Variants in BAG4 observed in about 807,000 individuals in gnomAD.
BAG4 encodes the protein BAG family molecular chaperone regulator 4.
BAG4 carries 28 observed loss-of-function variants against 52.1 expected under a neutral mutation model. The ratio of observed to expected loss-of-function variants is 0.54; its 90% CI spans 0.40 to 0.74. The LOEUF (loss-of-function observed/expected upper bound fraction) is 0.74. Among genes scored for constraint, BAG4 ranks in the 30% least tolerant of loss-of-function variants. BAG4 has a pLI of 0.00. For missense variants in BAG4, 525 were observed against 572.0 expected (o/e 0.92, Z 0.84); for synonymous variants, 208 against 217.0 (o/e 0.96, Z 0.37).
chr8:38,177,034 C>T lies in BAG4; in HGVS notation c.165C>T (p.Gly55=). 7 of 1,603,814 alleles carry T rather than the reference C, an allele frequency of 4.4e-6. No homozygotes were observed. The highest frequency in any genetic ancestry group is 1.7e-5 in the Admixed American group (1 of 58,408). ...QPPISWRVRG[G]GPAETTWLGE... ...CCATTTCCTGGCGGGTGCGCGGGGG[C>T]GGCCCGGCGGAGACCACCTGGCTGG... The change falls in exon 1 of 5, where the codon GGC becomes GGT. Residue 55 remains glycine (G), a synonymous_variant. Coordinates refer to ENST00000287322, the MANE Select transcript of BAG4 (RefSeq NM_004874.4).
intron 2 of BAG4, among the ~76,000 whole-genome samples, chr8:38,199,290 C>T (rs192495318): frequency 1.3e-5 from 2 of 152,194 alleles, no homozygotes; most frequent in Non-Finnish European, 2.9e-5. Context: ...TGTATGCAGT[C>T]CACTGCTGAC....
At chr8:38,199,601 A>G (rs543007301) in intron 2 of BAG4, among the ~76,000 whole-genome samples, 36 of 150,054 alleles carry the variant, frequency 2.4e-4, no homozygotes, top group Admixed American at 4.0e-4. Flanking sequence ...TTGGCTCACT[A>G]CAAGCTCCAC....
At chr8:38,195,302 T>G (rs1396184441) in intron 2 of BAG4, among the ~76,000 whole-genome samples, 3 of 151,982 alleles carry the variant, frequency 2.0e-5, no homozygotes, top group African/African-American at 7.3e-5. Context: ...GGGTGCACAT[T>G]ACTATGCCCA....
rs182358239 is a variant in BAG4 at position 38,194,959 on chromosome 8, A to C, written c.378+2164A>C. On this transcript the variant is annotated intron_variant, in intron 2 of 4. Transcript: ENST00000287322. ...AAGCTCTGCCTCCCGGGTTCACGCCATTCTGCTGCCTCAGCCTCCCGAGTA... is the reference window on the plus strand; with the variant it reads ...AAGCTCTGCCTCCCGGGTTCACGCCCTTCTGCTGCCTCAGCCTCCCGAGTA... 6.8e-3 allele frequency among the ~76,000 whole-genome samples: 967 copies of C among 141,296 alleles called. 9 individuals carry two copies. The highest frequency in any genetic ancestry group is 0.023 in the African/African-American group (871 of 37,570). 92.7% of individuals were successfully genotyped at this position (141,296 alleles called of 152,430 possible).
rs1272255830 is a variant in BAG4, at chr8:38,192,675, C to A, written c.271-13C>A. ...TGTTATTAAGAGTGAATTTATTTTT[C>A]TTTTTTTCTTAGGAGCAGCCACCAT... On this transcript the variant is annotated splice_polypyrimidine_tract_variant and intron_variant, in intron 1 of 4. Transcript: ENST00000287322. The A allele has an allele frequency of 1.3e-6, 2 of 1,577,552 alleles. No individual in the cohort carries two copies. The highest frequency in any genetic ancestry group is 2.7e-5 in the African/African-American group (2 of 73,224).
chr8:38,201,492 G>T (rs1028522245), intron 2 of BAG4, among the ~76,000 whole-genome samples: 19 of 151,824 alleles, frequency 1.3e-4, no homozygotes, highest in Admixed American at 2.0e-4. Context: ...TTGCAGAGAT[G>T]GGGTCTCATT....
chr8:38,181,291 A>G (rs548020424), intron 1 of BAG4, among the ~76,000 whole-genome samples: 70 of 142,424 alleles, frequency 4.9e-4, no homozygotes, highest in African/African-American at 1.8e-3. Flanking sequence ...CTGGAGCGCA[A>G]TGGCGCCATC....
At position 38,200,127 on chromosome 8, in the gene BAG4, C is replaced by G. The variant is rs188110073; in HGVS notation, c.378+7332C>G. 8.6e-5 allele frequency among the ~76,000 whole-genome samples: 13 copies of G among 151,954 alleles called. No individual in the cohort carries two copies. In the East Asian group the frequency reaches 2.3e-3, roughly 27 times the overall value. ...TTCAAGTGATTCTTGCCTCAGCCTC[C>G]CGAGTAGCTAGGATTACAGGCGGCT... On this transcript the variant is annotated intron_variant, in intron 2 of 4. Coordinates refer to ENST00000287322, the MANE Select transcript of BAG4 (RefSeq NM_004874.4).
rs143334197 is a variant in BAG4, at chr8:38,207,683, T to A, written c.550T>A (p.Ser184Thr). The A allele has an allele frequency of 5.6e-6, 9 of 1,614,012 alleles. No individual in the cohort carries two copies. The highest frequency in any genetic ancestry group is 7.6e-6 in the Non-Finnish European group (9 of 1,179,956). The change falls in exon 3 of 5, where the codon TCT becomes ACT. Residue 184 changes from serine to threonine, a missense_variant. This residue lies in a region of BAG4 where 287 missense variants were observed against 266.1 expected (regional missense o/e 1.08). Coordinates refer to ENST00000287322, the MANE Select transcript of BAG4 (RefSeq NM_004874.4). Reference sequence around the variant, plus strand: ...ATCTGGCAACAGCCCAACTCCAGTCTCTCGTTGGATCTATCCCCAGCAGGA... The same window carrying A: ...ATCTGGCAACAGCCCAACTCCAGTCACTCGTTGGATCTATCCCCAGCAGGA... Reference protein sequence around the residue: ...RSSGNSPTPVSRWIYPQQDCQ... With the variant: ...RSSGNSPTPVTRWIYPQQDCQ...
intron 2 of BAG4, among the ~76,000 whole-genome samples, chr8:38,196,078 T>G (rs1298092164): frequency 6.6e-6 from 1 of 152,222 alleles, no homozygotes; most frequent in East Asian, 1.9e-4. Flanking sequence ...TATACCAAAT[T>G]TCATCAATTG....
Position 38,176,897 on chromosome 8 carries a change from G to T in BAG4, c.28G>T (p.Gly10Cys), listed in dbSNP as rs1803164449. 1 of 1,545,620 alleles carries T rather than the reference G, an allele frequency of 6.5e-7. No homozygotes were observed. Among genetic ancestry groups the T allele is most frequent in the Non-Finnish European group, 8.7e-7 (1 of 1,145,014 alleles). Residue 10 changes from glycine (G) to cysteine (C), a missense_variant, in exon 1 of 5, where the codon GGC becomes TGC. Physicochemically the swap from Gly to Cys is radical, Grantham distance 159. This residue lies in a region of BAG4 where 287 missense variants were observed against 266.1 expected (regional missense o/e 1.08). Transcript: ENST00000287322. MSALRRSGY[G>C]PSDGPSYGRY... is the part of the protein sequence containing the mutation. The stretch of plus-strand genomic sequence containing the variant: ...GTCGGCCCTGAGGCGCTCGGGCTAC[G>T]GCCCCAGTGACGGTCCGTCCTACGG...
At chr8:38,177,980 GA>G (rs1406877320) in intron 1 of BAG4, among the ~76,000 whole-genome samples, 1 of 151,980 alleles carries the variant, frequency 6.6e-6, no homozygotes, top group East Asian at 1.9e-4. Context: ...TAAAATGGTG[GA>G]AAATAGTTTG....
intron 1 of BAG4, among the ~76,000 whole-genome samples, chr8:38,187,019 A>G (rs1803374526): frequency 1.3e-5 from 2 of 152,244 alleles, no homozygotes; most frequent in South Asian, 2.1e-4. Flanking sequence ...TAAAATGTCT[A>G]GTTTCCAACA....
chr8:38,204,600 T>C (rs954557695), intron 2 of BAG4, among the ~76,000 whole-genome samples: 1 of 150,790 alleles, frequency 6.6e-6, no homozygotes, highest in Non-Finnish European at 1.5e-5. Context: ...GAGACTAGCC[T>C]GGCAACATAG....
chr8:38,177,164 GC>G (rs1319045619), intron 1 of BAG4, 25 bp downstream of exon 1: 1 of 1,607,554 alleles, frequency 6.2e-7, no homozygotes, highest in Non-Finnish European at 8.5e-7. Flanking sequence ...CTCTGTCCTT[GC>G]GGGGAGGTGA....
Position 38,212,364 on chromosome 8 carries a change from G to A in BAG4, c.*1871G>A, listed in dbSNP as rs919834206. 3 of 152,118 alleles carry A rather than the reference G, an allele frequency of 2.0e-5. No individual in the cohort carries two copies. Among genetic ancestry groups the A allele is most frequent in the African/African-American group, 7.2e-5 (3 of 41,432 alleles). The allele number at this position is 152,118 out of a possible 1,614,324, so 9.4% of individuals were successfully genotyped here. A position where few individuals can be genotyped will look rare whatever the true frequency, so the allele number is the denominator to read the frequency against. Reference sequence around the variant, plus strand: ...GCACATACATGTTTGTTTTCTAACAGTTATTTTTTAAGCTTTTGAGATAAT... The same window carrying A: ...GCACATACATGTTTGTTTTCTAACAATTATTTTTTAAGCTTTTGAGATAAT... On this transcript the variant is annotated 3_prime_UTR_variant, in exon 5 of 5. Transcript: ENST00000287322.
chr8:38,203,258 A>T (rs1439338817), intron 2 of BAG4, among the ~76,000 whole-genome samples: 3 of 150,960 alleles, frequency 2.0e-5, no homozygotes, highest in African/African-American at 7.3e-5. Flanking sequence ...AAGATGGCTT[A>T]TGTGAAACTG....
intron 1 of BAG4, among the ~76,000 whole-genome samples, chr8:38,188,306 G>T (rs554344473): frequency 7.1e-6 from 1 of 140,324 alleles, no homozygotes; most frequent in Non-Finnish European, 1.6e-5. Context: ...AGACAGACTG[G>T]ATTAAAAAAA....
chr8:38,203,534 T>C (rs1490981495), intron 2 of BAG4, among the ~76,000 whole-genome samples: 2 of 152,116 alleles, frequency 1.3e-5, no homozygotes, highest in Non-Finnish European at 2.9e-5. Context: ...CCGCCCACCT[T>C]GGCCTCCCAA....
Sources: gnomAD v4.1 joint callset for allele counts (sites outside exome capture counted in the v4.1 genomes callset) on GRCh38, gnomAD v4.1.1 for gene constraint, gnomAD v4.1.1 regional missense constraint, MANE v1.5 for transcripts, NCBI Gene and HGNC (gene_info 2026-07-23, HGNC 2026-07-21) for gene names.